Variants in MAGI2 observed in about 807,000 individuals in gnomAD.
The protein encoded by MAGI2 is membrane-associated guanylate kinase, WW and PDZ domain-containing protein 2.
MAGI2 carries 35 observed loss-of-function variants against 133.3 expected under a neutral mutation model. The ratio of observed to expected loss-of-function variants is 0.26; its 90% CI spans 0.20 to 0.35. MAGI2 has a LOEUF of 0.35. Among genes scored for constraint, MAGI2 ranks in the 10% least tolerant of loss-of-function variants. The probability of loss-of-function intolerance (pLI) is 1.00; values close to 1 mark genes in which losing one functional copy is unlikely to be tolerated. For missense variants in MAGI2, 1,636 were observed against 1,863.4 expected (o/e 0.88, Z 2.25); for synonymous variants, 729 against 710.6 (o/e 1.03, Z -0.41).
intron 2 of MAGI2, among the ~76,000 whole-genome samples, chr7:78,983,349 T>C (rs1485418247): frequency 1.3e-5 from 2 of 152,004 alleles, no homozygotes; most frequent in Non-Finnish European, 2.9e-5. Flanking sequence ...ATAAAACTAC[T>C]GTTCTAAATA....
chr7:78,437,199 A>G (rs946933534), intron 6 of MAGI2, among the ~76,000 whole-genome samples: 1 of 152,142 alleles, frequency 6.6e-6, no homozygotes, highest in Admixed American at 6.5e-5. Context: ...CAATCCACGA[A>G]GCATCATGGC....
intron 1 of MAGI2, among the ~76,000 whole-genome samples, chr7:79,355,706 G>A (rs1004577686): frequency 6.6e-6 from 1 of 152,102 alleles, no homozygotes; most frequent in Non-Finnish European, 1.5e-5. Flanking sequence ...GATAGATAGA[G>A]TTCTACCTAT....
chr7:79,025,989 A>G (rs1809846866), intron 1 of MAGI2, among the ~76,000 whole-genome samples: 1 of 152,202 alleles, frequency 6.6e-6, no homozygotes, highest in African/African-American at 2.4e-5. Flanking sequence ...GCATCTTCCA[A>G]CTAGTGTTTT....
intron 6 of MAGI2, among the ~76,000 whole-genome samples, chr7:78,392,207 G>A (rs962105316): frequency 6.6e-6 from 1 of 152,160 alleles, no homozygotes; most frequent in African/African-American, 2.4e-5. Context: ...GTGCAGGTAC[G>A]ACTAGTATAC....
chr7:79,031,943 C>A (rs929142315), intron 1 of MAGI2, among the ~76,000 whole-genome samples: 19 of 151,922 alleles, frequency 1.3e-4, no homozygotes, highest in African/African-American at 4.4e-4. Context: ...TCAGTATATT[C>A]ACATCAGGTA....
At chr7:78,706,068 A>G (rs779105725) in intron 2 of MAGI2, among the ~76,000 whole-genome samples, 1 of 152,114 alleles carries the variant, frequency 6.6e-6, no homozygotes, top group African/African-American at 2.4e-5. Flanking sequence ...AGTAAATGGT[A>G]TCTCAAGCAT....
At chr7:79,056,371 C>T (rs1001171328) in intron 1 of MAGI2, among the ~76,000 whole-genome samples, 3 of 151,986 alleles carry the variant, frequency 2.0e-5, no homozygotes, top group African/African-American at 7.3e-5. Flanking sequence ...AAAAAAATCA[C>T]GTATAGTTAT....
At chr7:79,218,484 A>C (rs1230505963) in intron 1 of MAGI2, among the ~76,000 whole-genome samples, 1 of 152,100 alleles carries the variant, frequency 6.6e-6, no homozygotes, top group Non-Finnish European at 1.5e-5. Flanking sequence ...TAAAACAATA[A>C]CACAAATATC....
intron 20 of MAGI2, among the ~76,000 whole-genome samples, chr7:78,094,874 C>G (rs1817557887): frequency 6.6e-6 from 1 of 152,186 alleles, no homozygotes; most frequent in Non-Finnish European, 1.5e-5. Context: ...TCATTGCATA[C>G]TAGGCTGAAG....
At chr7:78,116,353 C>A (rs1197178304) in intron 20 of MAGI2, among the ~76,000 whole-genome samples, 5 of 54,448 alleles carry the variant, frequency 9.2e-5, no homozygotes, top group Non-Finnish European at 1.4e-4. Context: ...AAGCATCCAA[C>A]TTAGGAAAAA....
chr7:78,170,442 C>A (rs1031894844), intron 14 of MAGI2: 7 of 152,226 alleles, frequency 4.6e-5, no homozygotes, highest in Admixed American at 6.5e-5. Context: ...ATATGAAGTA[C>A]TCCCCTCATT....
At chr7:79,135,684 C>T (rs1432550448) in intron 1 of MAGI2, among the ~76,000 whole-genome samples, 3 of 151,998 alleles carry the variant, frequency 2.0e-5, no homozygotes, top group Non-Finnish European at 4.4e-5. Context: ...CAGATGTAAT[C>T]TCAGCATTTT....
chr7:79,090,597 A>G (rs1363919049), intron 1 of MAGI2, among the ~76,000 whole-genome samples: 2 of 152,286 alleles, frequency 1.3e-5, no homozygotes, highest in East Asian at 1.9e-4. Flanking sequence ...ACACAAAGGA[A>G]TGAATTAAAT....
chr7:78,533,004 C>T (rs149879953), intron 3 of MAGI2, among the ~76,000 whole-genome samples: 8,049 of 151,614 alleles, frequency 0.053, 389 homozygotes, highest in African/African-American at 0.13. Flanking sequence ...TGCAGTGGCA[C>T]AATCTCGGCT....
chr7:79,421,928 T>C (rs985791231), intron 1 of MAGI2, among the ~76,000 whole-genome samples: 1 of 152,046 alleles, frequency 6.6e-6, no homozygotes, highest in African/African-American at 2.4e-5. Flanking sequence ...TTTCTTTTTA[T>C]CTGAACTCAT....
chr7:78,560,059 A>AATT (rs2150735006), intron 3 of MAGI2, among the ~76,000 whole-genome samples: 1 of 152,306 alleles, frequency 6.6e-6, no homozygotes, highest in South Asian at 2.1e-4. Flanking sequence ...AAAAGAAAAA[A>AATT]ATATTACATG....
intron 9 of MAGI2, among the ~76,000 whole-genome samples, chr7:78,271,313 C>A (rs573644316): frequency 1.3e-5 from 2 of 152,098 alleles, no homozygotes; most frequent in Admixed American, 6.6e-5. Flanking sequence ...CCGACTTGAT[C>A]GTGGAGGATA....
intron 2 of MAGI2, among the ~76,000 whole-genome samples, chr7:78,919,965 G>A (rs1319274663): frequency 1.3e-5 from 2 of 152,046 alleles, no homozygotes; most frequent in East Asian, 1.9e-4. Flanking sequence ...TTCTACTTAA[G>A]AGGGATCATA....
chr7:79,015,871 C>T (rs1808652201), intron 1 of MAGI2, among the ~76,000 whole-genome samples: 1 of 151,982 alleles, frequency 6.6e-6, no homozygotes, highest in African/African-American at 2.4e-5. Context: ...ATACTTCTAG[C>T]AGATCTTCAG....
Sources: allele counts gnomAD v4.1 joint callset (sites outside exome capture counted in the v4.1 genomes callset), GRCh38; gene constraint gnomAD v4.1.1; transcripts MANE v1.5; gene names NCBI Gene and HGNC (gene_info 2026-07-23, HGNC 2026-07-21).